Variants in PKHD1L1 observed in about 807,000 individuals in gnomAD.
PKHD1L1 encodes PKHD1 like 1.
In PKHD1L1, 434 loss-of-function variants were observed where a neutral mutation model predicts 462.9. The observed-to-expected ratio is 0.94, with a 90% CI of 0.87 to 1.02. The LOEUF is 1.02. Ranked by LOEUF, PKHD1L1 falls within the 50% of genes least tolerant of loss-of-function variation. The pLI, the probability that PKHD1L1 is intolerant of heterozygous loss-of-function variation, is 0.00. For synonymous variants in PKHD1L1, 1,781 were observed against 1,750.0 expected (o/e 1.02, Z -0.44); for missense variants, 5,202 against 5,096.1 (o/e 1.02, Z -0.63).
intron 11 of PKHD1L1, among the ~76,000 whole-genome samples, chr8:109,397,642 A>G (rs924678495): frequency 1.3e-5 from 2 of 152,204 alleles, no homozygotes; most frequent in Non-Finnish European, 2.9e-5. Context: ...GTGAGCTATG[A>G]TCATGCCACT....
chr8:109,498,413 T>C, intron 65 of PKHD1L1, 49 bp from the exon 66 acceptor site: 1 of 1,384,842 alleles, frequency 7.2e-7, no homozygotes, highest in Non-Finnish European at 1.0e-6. Context: ...TGTTTTCTTT[T>C]AGTAAGAGCT....
At chr8:109,521,245 A>C (rs1820537225) in intron 73 of PKHD1L1, among the ~76,000 whole-genome samples, 2 of 152,176 alleles carry the variant, frequency 1.3e-5, no homozygotes, top group Admixed American at 1.3e-4. Flanking sequence ...GCTTAACTTT[A>C]ATAGAAGAAA....
rs562512712 is a variant in PKHD1L1 at position 109,441,150 on chromosome 8, A to G, written c.4100-125A>G. 3.7e-5 allele frequency: 26 copies of G among 701,748 alleles called. No homozygotes were observed. The African/African-American group carries it at 4.2e-4, about 11-fold the overall frequency. 43.5% of individuals were successfully genotyped at this position (701,748 alleles called of 1,614,324 possible). The stretch of plus-strand genomic sequence containing the variant: ...GAAAAGAAGTTCTGAAGATCCTGCT[A>G]TATAAGGCAGAGTTTTTTTTAGGGT... On this transcript the variant is annotated intron_variant, in intron 33 of 77. Coordinates refer to ENST00000378402, the MANE Select transcript of PKHD1L1 (RefSeq NM_177531.6).
At position 109,427,011 on chromosome 8, in the gene PKHD1L1, C is replaced by T; in HGVS notation, c.2855C>T (p.Ala952Val). ...CCCTCTGTGAGTGCAGGCCTCCCCG[C>T]TGCTGTGTCAGCTGCAGATCTGCAG... ...AYGHILKGLPAAVSAADLQFA... is the reference protein window; with the variant it reads ...AYGHILKGLPVAVSAADLQFA... Residue 952 changes from alanine to valine, a missense_variant, in exon 25 of 78, where the codon GCT becomes GTT. Ala to Val is a moderately conservative substitution (Grantham distance 64). Around this residue, in one of 3 missense-constraint regions of PKHD1L1, gnomAD observed 4,497 missense variants for 4,336.8 expected, o/e 1.04. Transcript: ENST00000378402. The T allele has an allele frequency of 6.4e-7, 1 of 1,562,660 alleles. No individual in the cohort carries two copies. The highest frequency in any genetic ancestry group is 8.8e-7 in the Non-Finnish European group (1 of 1,133,186).
At chr8:109,463,711 A>G (rs1449939082) in intron 48 of PKHD1L1, among the ~76,000 whole-genome samples, 1 of 152,320 alleles carries the variant, frequency 6.6e-6, no homozygotes, top group East Asian at 1.9e-4. Context: ...CTTTGTAACC[A>G]TAAACAAGAT....
Position 109,409,928 on chromosome 8 carries a change from G to A in PKHD1L1, c.2035G>A (p.Glu679Lys). 6.2e-7 allele frequency: 1 copy of A among 1,607,424 alleles called. No individual in the cohort carries two copies. The highest frequency in any genetic ancestry group is 8.5e-7 in the Non-Finnish European group (1 of 1,177,238). The stretch of plus-strand genomic sequence containing the variant: ...TCCACCACAAATTGCAAATTTTGAA[G>A]AAGGATTTGTTGTGAAATATTTCAG... ...KCPPQIANFE[E>K]GFVVKYFRDY... Residue 679 changes from glutamate to lysine, a missense_variant, in exon 19 of 78, where the codon GAA becomes AAA. By Grantham distance (56) the Glu-to-Lys change is moderately conservative (BLOSUM62 1). Coordinates refer to ENST00000378402, the MANE Select transcript of PKHD1L1 (RefSeq NM_177531.6).
At chr8:109,462,929 G>A (rs887711586) in intron 48 of PKHD1L1, among the ~76,000 whole-genome samples, 2 of 152,030 alleles carry the variant, frequency 1.3e-5, no homozygotes, top group African/African-American at 4.8e-5. Flanking sequence ...TTTGACAAGG[G>A]TTATCGCTCC....
rs774053217 is a variant in PKHD1L1, at chr8:109,461,786, CA to C, written c.7262del (p.Gln2421ArgfsTer12). On this transcript the variant is annotated frameshift_variant, in exon 48 of 78. Transcript: ENST00000378402. LOFTEE classifies it high-confidence loss of function. ...DGFDTGEFAT[Q>X]TCLQGKFGEE... ...CTGTTTTGAAGGAGAATTTGCTACA[CA>C]GACCTGTCTCCAAGGAAAGTTTGGA... is the stretch of plus-strand genomic sequence containing the variant. 8.8e-5 allele frequency: 142 copies of C among 1,609,198 alleles called. No individual in the cohort carries two copies. The highest frequency in any genetic ancestry group is 1.1e-4 in the Non-Finnish European group (130 of 1,177,618).
intron 42 of PKHD1L1, 29 bp from the exon 43 acceptor site, chr8:109,452,689 A>G: frequency 7.4e-7 from 1 of 1,357,700 alleles, no homozygotes; most frequent in Non-Finnish European, 9.5e-7. Flanking sequence ...AAATCCCTAA[A>G]TTTTAAGGTC....
intron 55 of PKHD1L1, 116 bp from the exon 56 acceptor site, chr8:109,481,317 T>C: frequency 1.1e-6 from 1 of 939,802 alleles, no homozygotes; most frequent in South Asian, 2.0e-5. Flanking sequence ...GTTCTTTATA[T>C]AACAAAACTC....
rs1821055050 is a variant in PKHD1L1, at chr8:109,532,148, G to A, written c.*2058G>A. Among the ~76,000 whole-genome samples the A allele has an allele frequency of 6.6e-6, 1 of 152,100 alleles. No homozygotes were observed. Among genetic ancestry groups the A allele is most frequent in the South Asian group, 2.1e-4 (1 of 4,820 alleles). On this transcript the variant is annotated 3_prime_UTR_variant, in exon 78 of 78. Coordinates refer to ENST00000378402, the MANE Select transcript of PKHD1L1 (RefSeq NM_177531.6). Reference sequence around the variant, plus strand: ...TTAATTCAGCCCACTGGAGTTTTTTGTCAAGATTTTTTCTGTCAGTTTTTA... The same window carrying A: ...TTAATTCAGCCCACTGGAGTTTTTTATCAAGATTTTTTCTGTCAGTTTTTA...
At position 109,452,226 on chromosome 8, in the gene PKHD1L1, A is replaced by G. The variant is rs372160136; in HGVS notation, c.6453A>G (p.Leu2151=). 8 of 1,612,178 alleles carry G rather than the reference A, an allele frequency of 5.0e-6. No individual in the cohort carries two copies. The highest frequency in any genetic ancestry group is 4.0e-5 in the African/African-American group (3 of 74,838). ...HIICMTDAHT[L]SGWAPVCVHI... Reference sequence around the variant, plus strand: ...TCTGCATGACAGATGCCCATACTCTATCAGGGTGGGCTCCAGTTTGTGTCC... The same window carrying G: ...TCTGCATGACAGATGCCCATACTCTGTCAGGGTGGGCTCCAGTTTGTGTCC... The change falls in exon 42 of 78, where the codon CTA becomes CTG. Residue 2151 remains leucine (L), a synonymous_variant. Coordinates refer to ENST00000378402, the MANE Select transcript of PKHD1L1 (RefSeq NM_177531.6).
chr8:109,394,170 CAAAAAAAAAAAAAA>C (rs146708536), intron 9 of PKHD1L1, among the ~76,000 whole-genome samples: 6 of 63,708 alleles, frequency 9.4e-5, no homozygotes, highest in African/African-American at 2.4e-4. Context: ...GAGACTCTGT[CAAAAAAAAAAAAAA>C]AAAAAAAAAA....
chr8:109,419,598 C>T (rs1046989104), intron 22 of PKHD1L1, among the ~76,000 whole-genome samples: 1 of 152,014 alleles, frequency 6.6e-6, no homozygotes, highest in Non-Finnish European at 1.5e-5. Flanking sequence ...GATCTATTCC[C>T]AAAATGCAAC....
chr8:109,523,113 G>C (rs997402750), intron 75 of PKHD1L1, 120 bp from the exon 76 acceptor site: 2 of 1,072,340 alleles, frequency 1.9e-6, no homozygotes, highest in Non-Finnish European at 2.6e-6. Flanking sequence ...GTGGAATAAG[G>C]AGCTTCTGCA....
At chr8:109,497,371 T>A (rs990237738) in intron 65 of PKHD1L1, 99 bp downstream of exon 65, 11 of 1,363,856 alleles carry the variant, frequency 8.1e-6, no homozygotes, top group African/African-American at 1.5e-5. Context: ...AACTTCTATC[T>A]CTGTCTCGCC....
In PKHD1L1 at chr8:109,530,375, C is replaced by A; in HGVS notation, c.*285C>A. ...CCTCTAAGTTATTGTACCAACAAATCATAGAATCCTTTAAATAATGGAAAG... is the reference window on the plus strand; with the variant it reads ...CCTCTAAGTTATTGTACCAACAAATAATAGAATCCTTTAAATAATGGAAAG... On this transcript the variant is annotated 3_prime_UTR_variant, in exon 78 of 78. Transcript: ENST00000378402. 5.0e-6 allele frequency: 1 copy of A among 198,766 alleles called. No individual in the cohort carries two copies. Among genetic ancestry groups the A allele is most frequent in the Non-Finnish European group, 1.0e-5 (1 of 97,800 alleles). The allele number at this position is 198,766 out of a possible 1,614,324, so 12.3% of individuals were successfully genotyped here.
At chr8:109,407,491 A>C (rs1037892809) in intron 17 of PKHD1L1, among the ~76,000 whole-genome samples, 3 of 152,166 alleles carry the variant, frequency 2.0e-5, no homozygotes, top group Admixed American at 2.0e-4. Context: ...ATGAGATTCC[A>C]CTGGTAGAGC....
intron 53 of PKHD1L1, among the ~76,000 whole-genome samples, chr8:109,479,175 T>C (rs530215044): frequency 7.2e-5 from 11 of 152,248 alleles, no homozygotes; most frequent in African/African-American, 2.4e-4. Context: ...CTAGAAGGCA[T>C]AGTGATGAAA....
Sources: allele counts gnomAD v4.1 joint callset (sites outside exome capture counted in the v4.1 genomes callset), GRCh38; gene constraint gnomAD v4.1.1; regional missense constraint gnomAD v4.1.1; transcripts MANE v1.5; gene names NCBI Gene and HGNC (gene_info 2026-07-23, HGNC 2026-07-21).